FSD1L: variants seen among roughly 807,000 people sequenced by gnomAD.
FSD1L encodes FSD1-like protein.
In FSD1L, 45 loss-of-function variants were observed where a neutral mutation model predicts 71.6. That is an observed-to-expected ratio of 0.63 (90% CI 0.49 to 0.81). FSD1L has a LOEUF of 0.81. Ranked by LOEUF, FSD1L falls within the 30% of genes least tolerant of loss-of-function variation. The pLI, the probability that FSD1L is intolerant of heterozygous loss-of-function variation, is 0.00. For missense variants in FSD1L, 561 were observed against 618.1 expected (o/e 0.91, Z 0.98); for synonymous variants, 197 against 207.2 (o/e 0.95, Z 0.42).
rs1477857415 is a variant in FSD1L, at chr9:105,471,964, A to G, written c.400A>G (p.Thr134Ala). Residue 134 changes from threonine to alanine, a missense_variant, in exon 5 of 14, where the codon ACA becomes GCA. Transcript: ENST00000481272. ...CTCTGAAGAACTATTAGAATTTGCA[A>G]CAAGGTCATTAGATATAAAGGAACC... ...ENSEELLEFA[T>A]RSLDIKEPEE... 4 of 1,440,672 alleles carry G rather than the reference A, an allele frequency of 2.8e-6. No homozygotes were observed. The highest frequency in any genetic ancestry group is 3.3e-5 in the Admixed American group (1 of 30,646). The allele number at this position is 1,440,672 out of a possible 1,614,324, so 89.2% of individuals were successfully genotyped here.
At chr9:105,503,734 A>G (rs988613442) in intron 7 of FSD1L, among the ~76,000 whole-genome samples, 13 of 152,204 alleles carry the variant, frequency 8.5e-5, no homozygotes, top group Admixed American at 2.6e-4. Context: ...CTGAATTTGT[A>G]TGCCGTATTT....
upstream of FSD1L, among the ~76,000 whole-genome samples, chr9:105,443,301 T>TCCTTTCGCTG (rs1396236252): frequency 6.6e-6 from 1 of 151,514 alleles, no homozygotes; most frequent in African/African-American, 2.4e-5. Context: ...GAAAGGCACA[T>TCCTTTCGCTG]CCTACATTGG....
At chr9:105,515,965 C>T (rs1834693679) in intron 10 of FSD1L, among the ~76,000 whole-genome samples, 1 of 152,170 alleles carries the variant, frequency 6.6e-6, no homozygotes, top group Non-Finnish European at 1.5e-5. Context: ...GCTGCCAGCA[C>T]AGCAGCAGTC....
At chr9:105,452,375 T>C (rs1267513500) in intron 1 of FSD1L, among the ~76,000 whole-genome samples, 2 of 152,216 alleles carry the variant, frequency 1.3e-5, no homozygotes, top group African/African-American at 4.8e-5. Context: ...CTTATTCCTG[T>C]TGCACTGTTA....
At chr9:105,529,352 C>T (rs1835744336) in intron 10 of FSD1L, among the ~76,000 whole-genome samples, 1 of 152,052 alleles carries the variant, frequency 6.6e-6, no homozygotes. Context: ...CTATTCACAA[C>T]AGAAAGCCTT....
At chr9:105,522,652 A>T in intron 10 of FSD1L, 7 of 1,612,528 alleles carry the variant, frequency 4.3e-6, no homozygotes, top group Non-Finnish European at 5.9e-6. Flanking sequence ...AGCACTTCTG[A>T]CATCTTGGAA....
intron 7 of FSD1L, among the ~76,000 whole-genome samples, chr9:105,495,045 A>T (rs1833260470): frequency 6.6e-6 from 1 of 152,020 alleles, no homozygotes; most frequent in Non-Finnish European, 1.5e-5. Context: ...TGTCAGGGAC[A>T]TTGAAGTCTG....
chr9:105,479,837 C>G (rs1354643833), intron 6 of FSD1L, among the ~76,000 whole-genome samples: 2 of 152,198 alleles, frequency 1.3e-5, no homozygotes, highest in African/African-American at 4.8e-5. Context: ...TATTCTCATT[C>G]CATCCTGTTC....
intron 7 of FSD1L, 91 bp from the exon 8 acceptor site, chr9:105,506,308 A>AG: frequency 1.1e-6 from 1 of 945,018 alleles, no homozygotes; most frequent in Non-Finnish European, 1.6e-6. Flanking sequence ...ATGAAAAAGC[A>AG]GTTTGAATGA....
At chr9:105,463,794 A>G (rs1275148702) in intron 2 of FSD1L, among the ~76,000 whole-genome samples, 1 of 152,330 alleles carries the variant, frequency 6.6e-6, no homozygotes, top group South Asian at 2.1e-4. Context: ...CTAGTTTCAT[A>G]TCTCTAAAAT....
chr9:105,496,702 G>A (rs1376742614), intron 7 of FSD1L, among the ~76,000 whole-genome samples: 4 of 152,184 alleles, frequency 2.6e-5, no homozygotes, highest in African/African-American at 7.2e-5. Context: ...TTCATTTCTG[G>A]TATACAGGAA....
At chr9:105,516,802 A>G (rs556704778) in intron 10 of FSD1L, among the ~76,000 whole-genome samples, 3 of 152,320 alleles carry the variant, frequency 2.0e-5, no homozygotes, top group East Asian at 3.9e-4. Flanking sequence ...CAGCAAGGGA[A>G]CAAACCTGGA....
chr9:105,445,357 T>G (rs775909668), upstream of FSD1L, among the ~76,000 whole-genome samples: 3 of 152,154 alleles, frequency 2.0e-5, no homozygotes, highest in Non-Finnish European at 2.9e-5. Context: ...GTCTGCTGGC[T>G]GGGCTACAGG....
In FSD1L at chr9:105,547,477, T is replaced by C. The variant is rs1837075275; in HGVS notation, c.*994T>C. ...CCTAAATACTCAAATAATGTATATA[T>C]TCTTTTTCATAACATATGGAATGCT... On this transcript the variant is annotated 3_prime_UTR_variant, in exon 14 of 14. Transcript: ENST00000481272. The C allele has an allele frequency of 6.6e-6, 1 of 152,284 alleles. No individual in the cohort carries two copies. Among genetic ancestry groups the C allele is most frequent in the Non-Finnish European group, 1.5e-5 (1 of 67,952 alleles). The allele number at this position is 152,284 out of a possible 1,614,324, so 9.4% of individuals were successfully genotyped here.
intron 13 of FSD1L, among the ~76,000 whole-genome samples, chr9:105,545,542 A>G (rs1045547612): frequency 6.6e-6 from 1 of 151,266 alleles, no homozygotes; most frequent in Non-Finnish European, 1.5e-5. Context: ...CCCATTCAGT[A>G]TGATATTGGC....
intron 7 of FSD1L, among the ~76,000 whole-genome samples, chr9:105,487,890 TA>T (rs1236000786): frequency 2.0e-5 from 3 of 152,190 alleles, no homozygotes; most frequent in African/African-American, 7.2e-5. Context: ...AGAGCAGTTT[TA>T]AGTTTACAGT....
chr9:105,521,710 G>A, intron 10 of FSD1L: 3 of 1,613,414 alleles, frequency 1.9e-6, no homozygotes, highest in Non-Finnish European at 2.5e-6. Context: ...GAGGAAAATG[G>A]GACCAATACT....
chr9:105,485,484 T>G (rs904428383), intron 7 of FSD1L, among the ~76,000 whole-genome samples: 1 of 151,654 alleles, frequency 6.6e-6, no homozygotes, highest in East Asian at 1.9e-4. Context: ...TCAACATGAG[T>G]TTGCTGGGGA....
chr9:105,480,238 T>C (rs1832079489), intron 6 of FSD1L, among the ~76,000 whole-genome samples: 1 of 152,062 alleles, frequency 6.6e-6, no homozygotes, highest in East Asian at 1.9e-4. Flanking sequence ...ATAGATTATG[T>C]GAAAAACAGT....
Sources: allele counts gnomAD v4.1 joint callset (sites outside exome capture counted in the v4.1 genomes callset), GRCh38; gene constraint gnomAD v4.1.1; transcripts MANE v1.5; gene names NCBI Gene and HGNC (gene_info 2026-07-23, HGNC 2026-07-21).